The following EPHA2 variants were observed in gnomAD, a reference collection of about 807,000 sequenced individuals.
EPHA2 encodes the protein EPH receptor A2, also known as ephrin type-A receptor 2.
In EPHA2, 54 loss-of-function variants were observed where a neutral mutation model predicts 104.9. The ratio of observed to expected loss-of-function variants is 0.51; its 90% confidence interval spans 0.41 to 0.65. EPHA2 has a LOEUF of 0.65. Among genes scored for constraint, EPHA2 ranks in the 30% least tolerant of loss-of-function variants. EPHA2 has a pLI of 0.00. For missense variants in EPHA2, 1,117 were observed against 1,369.5 expected, an observed-to-expected ratio of 0.82 and a Z score of 2.91; for synonymous variants, 560 against 559.1, an observed-to-expected ratio of 1.00 and a Z score of -0.02.
chr1:16,137,092 G>A (rs945953295), intron 5 of EPHA2, among the ~76,000 whole-genome samples: 3 of 151,964 alleles, frequency 2.0e-5, no homozygotes, highest in East Asian at 1.9e-4. Flanking sequence ...GAGCCACCGC[G>A]CCCAGTCTCA....
chr1:16,127,660 TC>T (rs1010293763), intron 16 of EPHA2, among the ~76,000 whole-genome samples: 1 of 151,966 alleles, frequency 6.6e-6, no homozygotes, highest in African/African-American at 2.4e-5. Context: ...TCCTTTGAGA[TC>T]CCCATTTATT....
Position 16,132,447 on chromosome 1 carries a change from GGGGTGGGCACA to G in EPHA2, c.2054-19_2054-9del. On this transcript the variant is annotated splice_polypyrimidine_tract_variant and intron_variant, in intron 11 of 16. Transcript: ENST00000358432. The stretch of plus-strand genomic sequence containing the variant: ...TGATCATCATGGGCTTGTCTGTAGG[GGGGTGGGCACA>G]GGTGAGAGGTAAGTGGGCCCAGGCA... The G allele has an allele frequency of 6.2e-7, 1 of 1,613,746 alleles. No homozygotes were observed. The highest frequency in any genetic ancestry group is 1.3e-5 in the African/African-American group (1 of 75,034).
At chr1:16,153,420 A>T in intron 1 of EPHA2, 1 of 736,660 alleles carries the variant, frequency 1.4e-6, no homozygotes, top group Non-Finnish European at 1.7e-6. Context: ...CCCCGGTAGA[A>T]CCAGAAACCA....
chr1:16,130,117 C>T lies in EPHA2; in HGVS notation c.2669+109G>A. 1.4e-6 allele frequency: 2 copies of T among 1,477,046 alleles called. No homozygotes were observed. Among genetic ancestry groups the T allele is most frequent in the East Asian group, 2.3e-5 (1 of 43,596 alleles). 91.5% of individuals were successfully genotyped at this position (1,477,046 alleles called of 1,614,324 possible). A position where few individuals can be genotyped will look rare whatever the true frequency, so the allele number is the denominator to read the frequency against. ...CAAGTCCACACATAACCTCTTAGCC[C>T]CCAGCACCCCCCCTACCAGCTTCAC... On this transcript the variant is annotated intron_variant, in intron 15 of 16. Coordinates refer to ENST00000358432, the MANE Select transcript of EPHA2 (RefSeq NM_004431.5). This position sits in a 1 kb window ranked among gnomAD's most constrained non-coding sequence, Gnocchi z 4.5.
In EPHA2 at chr1:16,134,026, T is replaced by C; in HGVS notation, c.1683-111A>G. The C allele has an allele frequency of 9.2e-7, 1 of 1,083,454 alleles. No homozygotes were observed. The highest frequency in any genetic ancestry group is 1.3e-6 in the Non-Finnish European group (1 of 761,172). 67.1% of individuals were successfully genotyped at this position (1,083,454 alleles called of 1,614,324 possible). A position where few individuals can be genotyped will look rare whatever the true frequency, so the allele number is the denominator to read the frequency against. On this transcript the variant is annotated intron_variant, in intron 8 of 16. Transcript: ENST00000358432. This position sits in a 1 kb window ranked among gnomAD's most constrained non-coding sequence, Gnocchi z 4.5. The stretch of plus-strand genomic sequence containing the variant: ...CTAGGAGGACCTGGGGTGCTCAGAA[T>C]GCGGCCCAGTCCCCGCTTTTGCTGC...
rs760844594 is a variant in EPHA2 at position 16,133,193 on chromosome 1, G to T, written c.2040C>A (p.Gly680=). Residue 680 remains glycine, a synonymous_variant, in exon 11 of 17, where the codon GGC becomes GGA. Transcript: ENST00000358432. ...FSHHNIIRLE[G]VISKYKPMMI... ...CCCAAGCCTCACATTTGGAGATGACGCCCTCTAGGCGGATGATGTTGTGGT... is the reference window on the plus strand; with the variant it reads ...CCCAAGCCTCACATTTGGAGATGACTCCCTCTAGGCGGATGATGTTGTGGT... The T allele has an allele frequency of 1.9e-6, 3 of 1,613,438 alleles. No homozygotes were observed. The highest frequency in any genetic ancestry group is 1.7e-5 in the Admixed American group (1 of 59,998).
chr1:16,149,753 G>A (rs552718849), intron 2 of EPHA2, among the ~76,000 whole-genome samples: 4 of 152,326 alleles, frequency 2.6e-5, no homozygotes, highest in African/African-American at 9.6e-5. Flanking sequence ...AAGTGCACTT[G>A]GCACGGCACA....
At chr1:16,152,837 C>A (rs887319748) in intron 1 of EPHA2, among the ~76,000 whole-genome samples, 1 of 152,192 alleles carries the variant, frequency 6.6e-6, no homozygotes, top group East Asian at 1.9e-4. Context: ...AGAAAAGAAG[C>A]CCTCACACAG....
Position 16,156,020 on chromosome 1 carries a change from G to A in EPHA2, c.-88C>T. ...CACGCCGGCCTCGGTGTCCGCTCCCGCCCGCCGGCCTGCGCGCAACTTCTG... is the reference window on the plus strand; with the variant it reads ...CACGCCGGCCTCGGTGTCCGCTCCCACCCGCCGGCCTGCGCGCAACTTCTG... On this transcript the variant is annotated 5_prime_UTR_variant, in exon 1 of 17. Coordinates refer to ENST00000358432, the MANE Select transcript of EPHA2 (RefSeq NM_004431.5). The A allele has an allele frequency of 1.7e-6, 2 of 1,175,938 alleles. No individual in the cohort carries two copies. Among genetic ancestry groups the A allele is most frequent in the Non-Finnish European group, 2.3e-6 (2 of 888,480 alleles). The allele number at this position is 1,175,938 out of a possible 1,614,324, so 72.8% of individuals were successfully genotyped here.
chr1:16,145,941 G>A (rs1041158906), intron 3 of EPHA2, among the ~76,000 whole-genome samples: 4 of 152,172 alleles, frequency 2.6e-5, no homozygotes, highest in Admixed American at 6.5e-5. Flanking sequence ...TCCCTGCCAC[G>A]CAGAAAGGCG....
Position 16,135,716 on chromosome 1 carries a change from C to T in EPHA2, c.1367G>A (p.Trp456Ter). 6.2e-7 allele frequency: 1 copy of T among 1,613,622 alleles called. No individual in the cohort carries two copies. The highest frequency in any genetic ancestry group is 8.5e-7 in the Non-Finnish European group (1 of 1,179,978). ...GCTCTGCTGCGGCGGGGGGATGCTCCAGGAGACGCTAAGCGAGGTGGTGCT... is the reference window on the plus strand; with the variant it reads ...GCTCTGCTGCGGCGGGGGGATGCTCTAGGAGACGCTAAGCGAGGTGGTGCT... The part of the protein sequence containing the change: ...GRSTTSLSVS[W>*]SIPPPQQSRV... The change falls in exon 6 of 17, where the codon TGG becomes TAG. Residue 456 changes from tryptophan to a stop codon, truncating the protein, a stop_gained. Coordinates refer to ENST00000358432, the MANE Select transcript of EPHA2 (RefSeq NM_004431.5). LOFTEE classifies it high-confidence loss of function. This position sits in a 1 kb window ranked among gnomAD's most constrained non-coding sequence, Gnocchi z 4.3.
Position 16,124,955 on chromosome 1 carries a change from C to T in EPHA2, c.*260G>A. The T allele has an allele frequency of 1.9e-6, 1 of 516,846 alleles. No individual in the cohort carries two copies. The highest frequency in any genetic ancestry group is 3.5e-6 in the Non-Finnish European group (1 of 283,786). 32.0% of individuals were successfully genotyped at this position (516,846 alleles called of 1,614,324 possible). On this transcript the variant is annotated 3_prime_UTR_variant, in exon 17 of 17. Coordinates refer to ENST00000358432, the MANE Select transcript of EPHA2 (RefSeq NM_004431.5). ...CGAAGGCTGTGGCGGGGCTCCTGCT[C>T]CAGGGATGCTGGGACGTGGCGGTGC... is the stretch of plus-strand genomic sequence containing the variant.
In EPHA2 at chr1:16,146,755, G is replaced by A. The variant is rs369352288; in HGVS notation, c.823+1623C>T. Reference sequence around the variant, plus strand: ...AGACCGTGTTAAGTAAGGTTCTGAGGACTTGCTTTAGGAGGCAAGTAGGGC... The same window carrying A: ...AGACCGTGTTAAGTAAGGTTCTGAGAACTTGCTTTAGGAGGCAAGTAGGGC... On this transcript the variant is annotated intron_variant, in intron 3 of 16. Transcript: ENST00000358432. Among the ~76,000 whole-genome samples the A allele has an allele frequency of 6.6e-5, 10 of 152,328 alleles. No homozygotes were observed. In the South Asian group the frequency reaches 1.7e-3, roughly 25 times the overall value.
chr1:16,138,597 T>C (rs1002696820), intron 3 of EPHA2, among the ~76,000 whole-genome samples, 167 bp from the exon 4 acceptor site: 1 of 152,180 alleles, frequency 6.6e-6, no homozygotes, highest in East Asian at 1.9e-4. Context: ...GAAAAATGCA[T>C]GGCAAGGGCC....
chr1:16,155,835 C>T lies in EPHA2; in HGVS notation c.85+13G>A. On this transcript the variant is annotated intron_variant, in intron 1 of 16. Transcript: ENST00000358432. ...GCCCGGGGGCCAGGGGTCCAGACGC[C>T]GCGCGCACTCACCTTCCTTGCCCTG... 4 of 1,426,450 alleles carry T rather than the reference C, an allele frequency of 2.8e-6. No homozygotes were observed. Among genetic ancestry groups the T allele is most frequent in the Non-Finnish European group, 3.7e-6 (4 of 1,094,110 alleles). 88.4% of individuals were successfully genotyped at this position (1,426,450 alleles called of 1,614,324 possible).
chr1:16,153,130 GAA>G (rs35737869), intron 1 of EPHA2: 526 of 906,668 alleles, frequency 5.8e-4, no homozygotes, highest in East Asian at 4.9e-3. Context: ...TTTCTGGGGG[GAA>G]AAAAAAAAAG....
Position 16,130,442 on chromosome 1 carries a change from G to C in EPHA2, c.2476-23C>G. On this transcript the variant is annotated intron_variant, in intron 14 of 16. Coordinates refer to ENST00000358432, the MANE Select transcript of EPHA2 (RefSeq NM_004431.5). This position sits in a 1 kb window ranked among gnomAD's most constrained non-coding sequence, Gnocchi z 4.5. ...CACCTGGCGGGGCACGAAGGTCAGG[G>C]GCGCTGTTGCAGAAAGCCACTGAAA... is the stretch of plus-strand genomic sequence containing the variant. 6.5e-7 allele frequency: 1 copy of C among 1,531,126 alleles called. No individual in the cohort carries two copies. The highest frequency in any genetic ancestry group is 8.8e-7 in the Non-Finnish European group (1 of 1,137,098). The allele number at this position is 1,531,126 out of a possible 1,614,324, so 94.8% of individuals were successfully genotyped here.
At chr1:16,146,804 C>T (rs887472728) in intron 3 of EPHA2, among the ~76,000 whole-genome samples, 1 of 152,338 alleles carries the variant, frequency 6.6e-6, no homozygotes, top group South Asian at 2.1e-4. Flanking sequence ...CTTCAGTGTC[C>T]TCCAACCCTT....
At position 16,142,393 on chromosome 1, in the gene EPHA2, A is replaced by G. The variant is rs138515465; in HGVS notation, c.824-3963T>C. ...TGCATGTATCAGGAGCTTCCGTGAG[A>G]CCAGCAGCTCCTGAGGAGCAGGAAT... On this transcript the variant is annotated intron_variant, in intron 3 of 16. Coordinates refer to ENST00000358432, the MANE Select transcript of EPHA2 (RefSeq NM_004431.5). Among the ~76,000 whole-genome samples the G allele has an allele frequency of 4.5e-4, 69 of 152,340 alleles. 2 individuals carry two copies. In the East Asian group the frequency reaches 0.013, roughly 28 times the overall value.
Sources: gnomAD v4.1 joint callset for allele counts (sites outside exome capture counted in the v4.1 genomes callset) on GRCh38, gnomAD v4.1.1 for gene constraint, Gnocchi (gnomAD v3.1) non-coding constraint, MANE v1.5 for transcripts, NCBI Gene and HGNC (gene_info 2026-07-23, HGNC 2026-07-21) for gene names.